DNAH3: variants seen among roughly 807,000 people sequenced by gnomAD.
The protein encoded by DNAH3 is axonemal beta dynein heavy chain 3.
In DNAH3, 332 loss-of-function variants were observed where a neutral mutation model predicts 432.5. The ratio of observed to expected loss-of-function variants is 0.77; its 90% CI spans 0.70 to 0.84. The LOEUF is 0.84. Ranked by LOEUF, DNAH3 falls within the 40% of genes least tolerant of loss-of-function variation. The pLI is 0.00. For synonymous variants in DNAH3, 1,956 were observed against 1,900.2 expected (o/e 1.03, Z -0.76); for missense variants, 4,861 against 5,114.0 (o/e 0.95, Z 1.51).
At chr16:21,100,182 C>T (rs2091800050) in intron 16 of DNAH3, among the ~76,000 whole-genome samples, 1 of 152,156 alleles carries the variant, frequency 6.6e-6, no homozygotes, top group Non-Finnish European at 1.5e-5. Context: ...AGTGATTCTC[C>T]AGCCACAGCC....
chr16:20,941,147 C>T (rs1194706432), intron 59 of DNAH3, among the ~76,000 whole-genome samples: 1 of 146,122 alleles, frequency 6.8e-6, no homozygotes, highest in Non-Finnish European at 1.5e-5. Flanking sequence ...TACTATTAGC[C>T]TGTGCTTGAT....
intron 47 of DNAH3, 28 bp downstream of exon 47, chr16:20,987,277 G>A: frequency 1.2e-6 from 2 of 1,611,960 alleles, no homozygotes; most frequent in Non-Finnish European, 8.5e-7. Context: ...CCATTTCTGA[G>A]GTCAAATGAT....
At chr16:20,937,558 T>C (rs1387037632) in intron 59 of DNAH3, among the ~76,000 whole-genome samples, 2 of 136,352 alleles carry the variant, frequency 1.5e-5, no homozygotes, top group Non-Finnish European at 3.1e-5. Flanking sequence ...TGAGACAGAG[T>C]CTTGCCCTGT....
chr16:20,977,153 T>A (rs3115439), intron 50 of DNAH3, among the ~76,000 whole-genome samples: 26,881 of 151,988 alleles, frequency 0.18, 2,744 homozygotes, highest in African/African-American at 0.28. Context: ...GGTGGGCAGA[T>A]CACTTGAGGT....
At chr16:20,979,292 G>T (rs539778776) in intron 50 of DNAH3, 38 bp downstream of exon 50, 2 of 1,599,410 alleles carry the variant, frequency 1.3e-6, no homozygotes, top group Admixed American at 1.7e-5. Flanking sequence ...ACCTCGTCCC[G>T]GGCCTCTTTG....
chr16:21,019,544 C>G, intron 41 of DNAH3, 80 bp downstream of exon 41: 1 of 1,537,640 alleles, frequency 6.5e-7, no homozygotes, highest in Non-Finnish European at 8.9e-7. Flanking sequence ...AAGGGCTCAC[C>G]TGTCTGCACA....
At chr16:20,995,956 C>T (rs1490809248) in intron 44 of DNAH3, among the ~76,000 whole-genome samples, 1 of 152,256 alleles carries the variant, frequency 6.6e-6, no homozygotes, top group East Asian at 1.9e-4. Context: ...CCGCTGCGTT[C>T]TCCTGCACAG....
intron 41 of DNAH3, among the ~76,000 whole-genome samples, chr16:21,009,454 T>C (rs1040907440): frequency 5.3e-5 from 8 of 152,336 alleles, no homozygotes; most frequent in African/African-American, 1.7e-4. Context: ...TTTTATTTAA[T>C]AGAATAGAAT....
At position 20,966,014 on chromosome 16, in the gene DNAH3, A is replaced by AT. The variant is rs555983378; in HGVS notation, c.8459-590dup. On this transcript the variant is annotated intron_variant, in intron 52 of 61. Coordinates refer to ENST00000261383, the Ensembl canonical transcript of DNAH3. ...AGGCCTGAGCCACCATGCCCAGCCA[A>AT]TTTTTTTTTTTTTTTTTTTTTTTTT... Among the ~76,000 whole-genome samples the AT allele has an allele frequency of 7.9e-3, 380 of 48,348 alleles. 76 individuals carry two copies. Among genetic ancestry groups the AT allele is most frequent in the Non-Finnish European group, 0.012 (311 of 24,896 alleles). The allele number at this position is 48,348 out of a possible 152,430, so 31.7% of individuals were successfully genotyped here.
chr16:20,964,745 C>A, exon 53 of DNAH3: 4 of 1,614,108 alleles, frequency 2.5e-6, no homozygotes, highest in Non-Finnish European at 3.4e-6. Flanking sequence ...TTTATGGGAT[C>A]CCCTAACGTG....
At chr16:21,129,755 A>G (rs1002233568) in intron 7 of DNAH3, among the ~76,000 whole-genome samples, 4 of 140,492 alleles carry the variant, frequency 2.8e-5, no homozygotes, top group African/African-American at 1.1e-4. Context: ...AAACAAATGC[A>G]CCCTGGTGTT....
intron 43 of DNAH3, among the ~76,000 whole-genome samples, chr16:20,999,564 T>C (rs2086918328): frequency 6.6e-6 from 1 of 152,168 alleles, no homozygotes; most frequent in African/African-American, 2.4e-5. Context: ...GTGGAAAATA[T>C]AATGTATTTG....
chr16:21,022,172 A>G (rs761799101), intron 39 of DNAH3, 72 bp from the exon 40 acceptor site: 1 of 1,522,754 alleles, frequency 6.6e-7, no homozygotes, highest in Non-Finnish European at 9.1e-7. Flanking sequence ...AGCTTGGTCT[A>G]CCTTGTGAGG....
intron 44 of DNAH3, among the ~76,000 whole-genome samples, chr16:20,988,894 GGTGA>G (rs747939281): frequency 1.3e-5 from 2 of 152,204 alleles, no homozygotes; most frequent in South Asian, 2.1e-4. Context: ...AGACCTTCGC[GGTGA>G]GTGTTACAGC....
intron 7 of DNAH3, chr16:21,130,190 A>G (rs2092529912): frequency 6.6e-6 from 1 of 151,390 alleles, no homozygotes; most frequent in Non-Finnish European, 1.5e-5. Flanking sequence ...CTTATGCTTG[A>G]GTGACACCTC....
intron 14 of DNAH3, among the ~76,000 whole-genome samples, chr16:21,108,371 C>A (rs2091994183): frequency 6.6e-6 from 1 of 152,146 alleles, no homozygotes; most frequent in Admixed American, 6.5e-5. Flanking sequence ...AACTAAGGCA[C>A]CATGTTGCTT....
chr16:21,121,093 C>T (rs928115424), intron 10 of DNAH3: 2 of 631,258 alleles, frequency 3.2e-6, no homozygotes, highest in East Asian at 3.3e-5. Flanking sequence ...GTGAAGCATA[C>T]ATAATGCATG....
intron 2 of DNAH3, 86 bp from the exon 4 acceptor site, chr16:21,145,492 G>A: frequency 8.5e-7 from 1 of 1,182,176 alleles, no homozygotes; most frequent in South Asian, 1.3e-5. Context: ...GCTCACAAGA[G>A]TTCCAAGTGC....
At chr16:21,000,225 C>T in exon 43 of DNAH3, 2 of 1,612,702 alleles carry the variant, frequency 1.2e-6, no homozygotes, top group Non-Finnish European at 1.7e-6. Context: ...ATGCCTTACC[C>T]ACAAACACCA....
Sources: allele counts gnomAD v4.1 joint callset (sites outside exome capture counted in the v4.1 genomes callset), GRCh38; gene constraint gnomAD v4.1.1; transcripts MANE v1.5; gene names NCBI Gene and HGNC (gene_info 2026-07-23, HGNC 2026-07-21).